Variants in NAP1L1 observed in about 807,000 individuals in gnomAD.
NAP1L1 encodes nucleosome assembly protein 1-like 1.
NAP1L1 carries 9 observed loss-of-function variants against 58.9 expected under a neutral mutation model. That is an observed-to-expected ratio of 0.15 (90% CI 0.09 to 0.27). NAP1L1 has a LOEUF of 0.27. Among genes scored for constraint, NAP1L1 ranks in the 10% least tolerant of loss-of-function variants. NAP1L1 has a pLI of 1.00. For synonymous variants in NAP1L1, 130 were observed against 138.3 expected, an observed-to-expected ratio of 0.94 and a Z score of 0.42; for missense variants, 302 against 458.8, an observed-to-expected ratio of 0.66 and a Z score of 3.12.
At position 76,067,486 on chromosome 12, in the gene NAP1L1, AAG is replaced by A. The variant is rs1491407180; in HGVS notation, c.104-15_104-14del. On this transcript the variant is annotated splice_polypyrimidine_tract_variant and intron_variant, in intron 3 of 14. Transcript: ENST00000618691. Reference sequence around the variant, plus strand: ...GTTAGCTGACGTGCTTTAAAAAAAAAAGGGCATCGAAAGAAGGATTTTATGAA... The same window carrying A: ...GTTAGCTGACGTGCTTTAAAAAAAAAGGCATCGAAAGAAGGATTTTATGAA... 1.3e-6 allele frequency: 2 copies of A among 1,574,996 alleles called. No homozygotes were observed. Among genetic ancestry groups the A allele is most frequent in the Non-Finnish European group, 8.6e-7 (1 of 1,156,098 alleles).
chr12:76,078,739 C>T (rs1950290246), intron 1 of NAP1L1, among the ~76,000 whole-genome samples: 1 of 151,994 alleles, frequency 6.6e-6, no homozygotes, highest in African/African-American at 2.4e-5. Flanking sequence ...TGAAATGAAG[C>T]CTAGAAGAAA....
chr12:76,048,195 T>C lies in NAP1L1; in HGVS notation c.*234A>G, dbSNP rs926909407. On this transcript the variant is annotated 3_prime_UTR_variant, in exon 15 of 15. Transcript: ENST00000618691. ...AAAATATTCCAGAAGAACCAAATTA[T>C]GTAGCAATGAATGAACATGCGTGAC... The C allele has an allele frequency of 1.4e-5, 6 of 442,794 alleles. No homozygotes were observed. The highest frequency in any genetic ancestry group is 1.0e-4 in the African/African-American group (5 of 49,590). 27.4% of individuals were successfully genotyped at this position (442,794 alleles called of 1,614,324 possible).
intron 1 of NAP1L1, among the ~76,000 whole-genome samples, chr12:76,077,758 C>T (rs555179937): frequency 1.8e-4 from 28 of 151,682 alleles, no homozygotes; most frequent in Non-Finnish European, 2.5e-4. Context: ...CCAAGGCAGG[C>T]GAATTGCCTG....
rs992374173 is a variant in NAP1L1, at chr12:76,044,387, A to G, written c.*4042T>C. On this transcript the variant is annotated 3_prime_UTR_variant, in exon 15 of 15. Transcript: ENST00000618691. ...ATTTTATCCTGGGTTTCAAAATAAT[A>G]AAACTCAGTTTGTTCTAGGATCCAC... 1.3e-5 allele frequency: 2 copies of G among 152,214 alleles called. No homozygotes were observed. The highest frequency in any genetic ancestry group is 4.8e-5 in the African/African-American group (2 of 41,454). The allele number at this position is 152,214 out of a possible 1,614,324, so 9.4% of individuals were successfully genotyped here. A position where few individuals can be genotyped will look rare whatever the true frequency, so the allele number is the denominator to read the frequency against.
At chr12:76,054,312 G>A (rs1948977382) in intron 8 of NAP1L1, among the ~76,000 whole-genome samples, 1 of 152,120 alleles carries the variant, frequency 6.6e-6, no homozygotes, top group Admixed American at 6.5e-5. Context: ...TTACAGGTGT[G>A]AGCCACTGCA....
intron 4 of NAP1L1, among the ~76,000 whole-genome samples, chr12:76,066,538 C>T (rs1283620009): frequency 6.6e-6 from 1 of 151,986 alleles, no homozygotes; most frequent in African/African-American, 2.4e-5. Context: ...GAAAAAGGTT[C>T]AAGCATTATG....
At chr12:76,058,255 C>T (rs1318693798) in intron 6 of NAP1L1, 4 of 237,176 alleles carry the variant, frequency 1.7e-5, no homozygotes, top group African/African-American at 2.5e-5. Flanking sequence ...AGACTGCCTT[C>T]GTTCTTGGCA....
intron 4 of NAP1L1, among the ~76,000 whole-genome samples, chr12:76,063,050 A>G (rs909098014): frequency 5.9e-5 from 9 of 152,216 alleles, no homozygotes; most frequent in Non-Finnish European, 1.3e-4. Flanking sequence ...TTCAGATATA[A>G]AAGCAGGACA....
chr12:76,058,017 G>C (rs1949202112), intron 6 of NAP1L1: 1 of 802,960 alleles, frequency 1.2e-6, no homozygotes, highest in Non-Finnish European at 2.3e-6. Context: ...AACAGAGGAG[G>C]ATGAAATTAT....
At chr12:76,077,692 T>C (rs1950231596) in intron 1 of NAP1L1, among the ~76,000 whole-genome samples, 2 of 151,894 alleles carry the variant, frequency 1.3e-5, no homozygotes, top group African/African-American at 4.8e-5. Flanking sequence ...ATTCTACCAA[T>C]GAAAAATATG....
intron 1 of NAP1L1, among the ~76,000 whole-genome samples, chr12:76,077,678 A>G (rs1011071952): frequency 1.3e-5 from 2 of 152,132 alleles, no homozygotes; most frequent in Admixed American, 1.3e-4. Flanking sequence ...GATTATGCAG[A>G]TCAATTCTAC....
At chr12:76,082,202 C>G (rs969332680) in intron 1 of NAP1L1, among the ~76,000 whole-genome samples, 4 of 152,104 alleles carry the variant, frequency 2.6e-5, no homozygotes, top group South Asian at 2.1e-4. Flanking sequence ...CCTTTGAAGT[C>G]CAACAGATAC....
intron 2 of NAP1L1, among the ~76,000 whole-genome samples, chr12:76,070,163 G>A (rs1949885082): frequency 6.6e-6 from 1 of 151,806 alleles, no homozygotes; most frequent in African/African-American, 2.4e-5. Flanking sequence ...CTGTCACCCA[G>A]GCTGCCTGGA....
chr12:76,064,869 A>G (rs1949591664), intron 4 of NAP1L1, among the ~76,000 whole-genome samples: 1 of 152,136 alleles, frequency 6.6e-6, no homozygotes, highest in Non-Finnish European at 1.5e-5. Context: ...AAATTTTTAG[A>G]AGAGTTCTAC....
chr12:76,067,247 T>C, intron 4 of NAP1L1, 124 bp downstream of exon 4: 1 of 682,716 alleles, frequency 1.5e-6, no homozygotes, highest in Non-Finnish European at 2.5e-6. Context: ...AATAATCCTA[T>C]ACTGGATACT....
intron 2 of NAP1L1, among the ~76,000 whole-genome samples, chr12:76,070,597 C>T (rs145089250): frequency 6.6e-6 from 1 of 152,288 alleles, no homozygotes; most frequent in African/African-American, 2.4e-5. Flanking sequence ...CCAGCCCACC[C>T]TATTATTGTA....
chr12:76,064,562 G>T (rs1043147337), intron 4 of NAP1L1, among the ~76,000 whole-genome samples: 1 of 152,000 alleles, frequency 6.6e-6, no homozygotes, highest in Admixed American at 6.6e-5. Flanking sequence ...GATAACAGCA[G>T]CAGTAACAAA....
chr12:76,062,428 G>A (rs1174977698), intron 4 of NAP1L1, among the ~76,000 whole-genome samples: 1 of 152,150 alleles, frequency 6.6e-6, no homozygotes, highest in Non-Finnish European at 1.5e-5. Flanking sequence ...GGAGCTCAGA[G>A]AATAACTAGA....
intron 8 of NAP1L1, 147 bp downstream of exon 8, chr12:76,054,872 T>TA (rs1419691934): frequency 2.1e-6 from 1 of 466,464 alleles, no homozygotes; most frequent in Admixed American, 4.1e-5. Flanking sequence ...AAGGAATAAA[T>TA]ACTGCCTCAC....
Sources: allele counts gnomAD v4.1 joint callset (sites outside exome capture counted in the v4.1 genomes callset), GRCh38; gene constraint gnomAD v4.1.1; transcripts MANE v1.5; gene names NCBI Gene and HGNC (gene_info 2026-07-23, HGNC 2026-07-21).